The following AMZ1 variants were observed in gnomAD, a reference collection of about 807,000 sequenced individuals.
AMZ1 encodes archaelysin family metallopeptidase 1, also known as archaemetzincin-1.
AMZ1 carries 39 observed loss-of-function variants against 29.9 expected under a neutral mutation model. The observed-to-expected ratio is 1.30, with a 90% CI of 1.01 to 1.70. The LOEUF (loss-of-function observed/expected upper bound fraction) is 1.70, where lower values mean the gene tolerates loss of function less well. AMZ1 is among the 40% of genes most tolerant of loss of function. The probability of loss-of-function intolerance (pLI) is 0.00; values close to 1 mark genes in which losing one functional copy is unlikely to be tolerated. For synonymous variants in AMZ1, 458 were observed against 304.0 expected (o/e 1.51, Z -5.27); for missense variants, 1,041 against 680.6 (o/e 1.53, Z -5.89).
At chr7:2,742,062 C>T (rs1252335985) in intron 4 of AMZ1, among the ~76,000 whole-genome samples, 1 of 151,778 alleles carries the variant, frequency 6.6e-6, no homozygotes, top group East Asian at 1.9e-4. Context: ...CACCCTGTTG[C>T]CCAGGCTAGA....
In AMZ1 at chr7:2,731,546, G is replaced by C; in HGVS notation, n.550+21730G>C. 1 of 1,611,194 alleles carries C rather than the reference G, an allele frequency of 6.2e-7. No homozygotes were observed. Among genetic ancestry groups the C allele is most frequent in the Non-Finnish European group, 8.5e-7 (1 of 1,177,904 alleles). On this transcript the variant is annotated intron_variant and non_coding_transcript_variant, in intron 4 of 4. Transcript: ENST00000489665. The surrounding 1 kb of genome is among the most constrained non-coding windows in gnomAD (Gnocchi z 6.0). ...CGGTTGGTGCGCCTGTCCTCCATGA[G>C]GACCTGGTCGTACTCGCTGGAGGAG... is the stretch of plus-strand genomic sequence containing the variant.
Position 2,735,490 on chromosome 7 carries a change from G to C in AMZ1, n.550+25674G>C, listed in dbSNP as rs1025009498. On this transcript the variant is annotated intron_variant and non_coding_transcript_variant, in intron 4 of 4. Transcript: ENST00000489665. ...TCCGCCCAGATAGTACGGACGCAAG[G>C]GGAAAAGCACCACAGAGGGCACAAT... is the stretch of plus-strand genomic sequence containing the variant. Among the ~76,000 whole-genome samples, 11 of 152,178 alleles carry C rather than the reference G, an allele frequency of 7.2e-5. No individual in the cohort carries two copies. In the South Asian group the frequency reaches 1.9e-3, roughly 26 times the overall value.
chr7:2,689,047 G>A (rs1787224119), intron 1 of AMZ1, among the ~76,000 whole-genome samples: 1 of 152,218 alleles, frequency 6.6e-6, no homozygotes. Context: ...CTACCCCTGC[G>A]GTCTAAGCCC....
intron 4 of AMZ1, among the ~76,000 whole-genome samples, chr7:2,749,834 GAT>G (rs1790941721): frequency 6.6e-6 from 1 of 152,038 alleles, no homozygotes; most frequent in South Asian, 2.1e-4. Context: ...ACTGAAATTA[GAT>G]TAATAGAGAT....
chr7:2,710,735 G>A (rs892830823), intron 6 of AMZ1, among the ~76,000 whole-genome samples: 3 of 152,262 alleles, frequency 2.0e-5, no homozygotes, highest in African/African-American at 7.2e-5. Context: ...AGAGGAAACA[G>A]CTTTTCCAAG....
At chr7:2,761,219 C>G (rs1030362530), upstream of AMZ1, among the ~76,000 whole-genome samples, 1 of 152,282 alleles carries the variant, frequency 6.6e-6, no homozygotes, top group Admixed American at 6.5e-5. Context: ...ACAGCAGCCC[C>G]GGCTCTGCTA....
intron 3 of AMZ1, among the ~76,000 whole-genome samples, chr7:2,706,183 A>AT (rs914814666): frequency 1.1e-4 from 17 of 151,644 alleles, no homozygotes; most frequent in East Asian, 5.8e-4. Context: ...CTGGTTTTTA[A>AT]TTTTTTTTTA....
chr7:2,729,527 G>A (rs1347568087), intron 4 of AMZ1: 1 of 152,404 alleles, frequency 6.6e-6, no homozygotes, highest in Non-Finnish European at 1.5e-5. Context: ...CTCCCGATGA[G>A]AACGCTGTGC....
chr7:2,700,421 C>G lies in AMZ1; in HGVS notation c.-31C>G. On this transcript the variant is annotated 5_prime_UTR_variant, in exon 2 of 7. Transcript: ENST00000683327. ...TGGCCCATGGACAGCAGCAGGGGCTCCCAGGAGTGGCCAGGCCCTGCCCGC... is the reference window on the plus strand; with the variant it reads ...TGGCCCATGGACAGCAGCAGGGGCTGCCAGGAGTGGCCAGGCCCTGCCCGC... 1 of 1,582,876 alleles carries G rather than the reference C, an allele frequency of 6.3e-7. No individual in the cohort carries two copies. Among genetic ancestry groups the G allele is most frequent in the Non-Finnish European group, 8.5e-7 (1 of 1,170,102 alleles).
intron 4 of AMZ1, among the ~76,000 whole-genome samples, chr7:2,748,070 A>C (rs1157658195): frequency 6.6e-6 from 1 of 150,806 alleles, no homozygotes; most frequent in African/African-American, 2.5e-5. Context: ...ATATCATGAA[A>C]ATGGCCATAC....
rs1253508726 is a variant in AMZ1 at position 2,712,506 on chromosome 7, C to A, written c.1125C>A (p.His375Gln). Residue 375 changes from histidine (H) to glutamine (Q), a missense_variant, in exon 7 of 7, where the codon CAC (histidine) becomes CAA (glutamine). Physicochemically the swap from His to Gln is conservative, Grantham distance 24 (BLOSUM62 0). Coordinates refer to ENST00000683327, the MANE Select transcript of AMZ1 (RefSeq NM_001384743.1). ...CCCTCACCCCTGATGCCGGGAGTCACACCTTCGCCTCGGGGCCAGAGGAAG... is the reference window on the plus strand; with the variant it reads ...CCCTCACCCCTGATGCCGGGAGTCAAACCTTCGCCTCGGGGCCAGAGGAAG... The part of the protein sequence containing the change: ...SEPLTPDAGS[H>Q]TFASGPEEGL... The A allele has an allele frequency of 1.9e-6, 3 of 1,608,542 alleles. No homozygotes were observed. The highest frequency in any genetic ancestry group is 2.7e-5 in the African/African-American group (2 of 74,888).
At chr7:2,705,146 G>A (rs1291029242) in intron 3 of AMZ1, among the ~76,000 whole-genome samples, 4 of 152,202 alleles carry the variant, frequency 2.6e-5, no homozygotes, top group African/African-American at 7.2e-5. Flanking sequence ...GGCCTGGGCC[G>A]ATGTTTTTCA....
chr7:2,692,968 G>T (rs569217831), intron 1 of AMZ1, among the ~76,000 whole-genome samples: 22 of 152,330 alleles, frequency 1.4e-4, no homozygotes, highest in Non-Finnish European at 1.0e-4. Flanking sequence ...GTCTGGGACG[G>T]TCTGCCCCTC....
rs533179472 is a variant in AMZ1 at position 2,719,430 on chromosome 7, G to A, written c.*6552G>A. ...CAGAGCCCAGAGCATCCCTTGGCCC[G>A]ACGCACAAGTCCCACAATAGCCTCT... On this transcript the variant is annotated 3_prime_UTR_variant, in exon 7 of 7. Coordinates refer to ENST00000683327, the MANE Select transcript of AMZ1 (RefSeq NM_001384743.1). Among the ~76,000 whole-genome samples, 139 of 152,318 alleles carry A rather than the reference G, an allele frequency of 9.1e-4. No homozygotes were observed. The highest frequency in any genetic ancestry group is 3.2e-3 in the African/African-American group (134 of 41,570).
At chr7:2,703,917 C>G (rs570134591) in intron 3 of AMZ1, among the ~76,000 whole-genome samples, 1 of 152,316 alleles carries the variant, frequency 6.6e-6, no homozygotes, top group African/African-American at 2.4e-5. Context: ...GAGACAGAAT[C>G]TTGCTCTGTC....
upstream of AMZ1, among the ~76,000 whole-genome samples, chr7:2,763,943 C>G (rs1416038789): frequency 2.6e-5 from 4 of 152,186 alleles, no homozygotes; most frequent in East Asian, 1.9e-4. Context: ...CAATTATGCA[C>G]CCTTCTTTCC....
intron 1 of AMZ1, among the ~76,000 whole-genome samples, chr7:2,697,664 A>G (rs1352656748): frequency 2.6e-5 from 4 of 152,038 alleles, no homozygotes; most frequent in Admixed American, 2.6e-4. Context: ...TGCTCAAGTG[A>G]TCCACCCGCC....
At chr7:2,697,243 C>T (rs1448569660) in intron 1 of AMZ1, among the ~76,000 whole-genome samples, 4 of 151,992 alleles carry the variant, frequency 2.6e-5, no homozygotes, top group African/African-American at 4.8e-5. Context: ...ATTACAGGCA[C>T]GTGTCACCAC....
intron 4 of AMZ1, among the ~76,000 whole-genome samples, chr7:2,725,021 C>A (rs2115254628): frequency 6.6e-6 from 1 of 152,300 alleles, no homozygotes; most frequent in South Asian, 2.1e-4. Context: ...CCTCACCGCA[C>A]ACAAACACTA....
Sources: gnomAD v4.1 joint callset for allele counts (sites outside exome capture counted in the v4.1 genomes callset) on GRCh38, gnomAD v4.1.1 for gene constraint, Gnocchi (gnomAD v3.1) non-coding constraint, MANE v1.5 for transcripts, NCBI Gene and HGNC (gene_info 2026-07-23, HGNC 2026-07-21) for gene names.